PSD3: variants seen among roughly 807,000 people sequenced by gnomAD.
PSD3 encodes PH and SEC7 domain-containing protein 3.
A neutral mutation model predicts 105.5 loss-of-function variants in PSD3; 49 were observed. The ratio of observed to expected loss-of-function variants is 0.46; its 90% CI spans 0.37 to 0.59. The LOEUF (loss-of-function observed/expected upper bound fraction) is 0.59, where lower values mean the gene tolerates loss of function less well. PSD3 is among the 20% of genes least tolerant of loss of function. The pLI is 0.00. For missense variants in PSD3, 1,561 were observed against 1,263.8 expected (o/e 1.24, Z -3.57); for synonymous variants, 557 against 457.8 (o/e 1.22, Z -2.77).
chr8:18,545,697 T>G (rs1800414508), intron 15 of PSD3, among the ~76,000 whole-genome samples: 1 of 152,168 alleles, frequency 6.6e-6, no homozygotes, highest in Non-Finnish European at 1.5e-5. Flanking sequence ...ATAGGGCACG[T>G]GGTTAATCTT....
chr8:18,774,985 T>C (rs1177153896), intron 8 of PSD3: 3 of 455,958 alleles, frequency 6.6e-6, no homozygotes, highest in Non-Finnish European at 1.3e-5. Context: ...TTAATCAACC[T>C]TTCAAAACCC....
At chr8:18,760,013 C>G (rs62498260) in intron 9 of PSD3, among the ~76,000 whole-genome samples, 1,576 of 129,086 alleles carry the variant, frequency 0.012, 26 homozygotes, top group Middle Eastern at 0.02. Flanking sequence ...CAAACAAGAA[C>G]AAGGGTTTCC....
intron 9 of PSD3, among the ~76,000 whole-genome samples, chr8:18,759,009 T>C (rs752513690): frequency 1.3e-5 from 2 of 151,930 alleles, no homozygotes; most frequent in Non-Finnish European, 2.9e-5. Flanking sequence ...ACTCCATTCA[T>C]GGAGTGAAGC....
At chr8:18,672,129 G>A (rs976934376) in intron 9 of PSD3, among the ~76,000 whole-genome samples, 1 of 152,156 alleles carries the variant, frequency 6.6e-6, no homozygotes, top group East Asian at 1.9e-4. Context: ...GTGTTGGAAA[G>A]TAGCAAGCAT....
At chr8:18,710,310 G>C (rs768030051) in intron 9 of PSD3, among the ~76,000 whole-genome samples, 5 of 152,064 alleles carry the variant, frequency 3.3e-5, no homozygotes, top group Non-Finnish European at 7.4e-5. Context: ...AAATGAGAAG[G>C]AATGAACAAA....
At chr8:18,947,782 T>G (rs539093096) in intron 1 of PSD3, among the ~76,000 whole-genome samples, 2 of 152,358 alleles carry the variant, frequency 1.3e-5, no homozygotes, top group South Asian at 4.1e-4. Context: ...GGTTCTGAAT[T>G]CATAATACCC....
At chr8:18,600,614 A>G (rs770816569) in intron 11 of PSD3, among the ~76,000 whole-genome samples, 180 bp from the exon 12 acceptor site, 5 of 152,174 alleles carry the variant, frequency 3.3e-5, no homozygotes, top group East Asian at 1.9e-4. Flanking sequence ...AATGTTTTCC[A>G]TATACGATCT....
chr8:18,686,074 G>C (rs13251176), intron 9 of PSD3, among the ~76,000 whole-genome samples: 143,890 of 152,278 alleles, frequency 0.94, 68,049 homozygotes, highest in Middle Eastern at 0.97. Flanking sequence ...AAACCATATG[G>C]TAGGATGTAC....
At chr8:18,957,518 T>A (rs1321982370) in intron 1 of PSD3, among the ~76,000 whole-genome samples, 3 of 96,996 alleles carry the variant, frequency 3.1e-5, no homozygotes, top group Non-Finnish European at 4.1e-5. Flanking sequence ...ATCTCATCCA[T>A]CTCTGTTCCC....
chr8:18,660,815 C>A (rs1180185820), intron 9 of PSD3, among the ~76,000 whole-genome samples: 1 of 152,228 alleles, frequency 6.6e-6, no homozygotes, highest in Non-Finnish European at 1.5e-5. Flanking sequence ...AGAGCCAGAT[C>A]ACAATCACAT....
intron 9 of PSD3, among the ~76,000 whole-genome samples, chr8:18,712,345 T>C (rs1585698981): frequency 6.7e-6 from 1 of 148,890 alleles, no homozygotes; most frequent in African/African-American, 2.5e-5. Context: ...ATCCCAGAGC[T>C]GGTTTTTTGA....
At chr8:18,617,963 C>T (rs1235834213) in intron 11 of PSD3, among the ~76,000 whole-genome samples, 2 of 152,166 alleles carry the variant, frequency 1.3e-5, no homozygotes, top group Admixed American at 6.5e-5. Flanking sequence ...TAGAGAATCT[C>T]CCTCCCTTGC....
intron 9 of PSD3, among the ~76,000 whole-genome samples, chr8:18,665,649 G>A (rs916675428): frequency 1.3e-5 from 2 of 152,230 alleles, no homozygotes; most frequent in African/African-American, 4.8e-5. Context: ...TGGGTAAAAT[G>A]CTAACAAACA....
At chr8:18,671,729 T>C (rs1799794494) in intron 9 of PSD3, among the ~76,000 whole-genome samples, 1 of 152,094 alleles carries the variant, frequency 6.6e-6, no homozygotes, top group Non-Finnish European at 1.5e-5. Context: ...CCTCCTGGGT[T>C]CACGCCATTC....
intron 9 of PSD3, among the ~76,000 whole-genome samples, chr8:18,719,824 A>G (rs578093634): frequency 3.3e-4 from 50 of 152,210 alleles, no homozygotes; most frequent in Non-Finnish European, 5.9e-4. Flanking sequence ...AATATAGCAT[A>G]TATCTAGATA....
Position 18,590,943 on chromosome 8 carries a change from G to A in PSD3, c.2481+9421C>T, listed in dbSNP as rs555772203. On this transcript the variant is annotated intron_variant, in intron 12 of 15. Transcript: ENST00000327040. ...GTGAAAAGAATAAGACGCCAAAACT[G>A]TGTTATACTATGATTCCACATAGAT... Among the ~76,000 whole-genome samples the A allele has an allele frequency of 2.4e-4, 37 of 152,240 alleles. 2 individuals are homozygous for A. In the South Asian group the frequency reaches 7.3e-3, roughly 30 times the overall value.
At chr8:18,600,147 G>T (rs1215612495) in intron 12 of PSD3, among the ~76,000 whole-genome samples, 1 of 152,128 alleles carries the variant, frequency 6.6e-6, no homozygotes, top group African/African-American at 2.4e-5. Context: ...GATGCAGCAG[G>T]ATTGAGAAAG....
At chr8:18,586,261 G>T (rs953065997) in intron 12 of PSD3, among the ~76,000 whole-genome samples, 1 of 152,166 alleles carries the variant, frequency 6.6e-6, no homozygotes, top group East Asian at 1.9e-4. Context: ...TGGAGACTGT[G>T]AGGACTTGGC....
At chr8:18,793,209 T>A (rs904560015) in intron 8 of PSD3, among the ~76,000 whole-genome samples, 83 of 151,910 alleles carry the variant, frequency 5.5e-4, no homozygotes, top group African/African-American at 1.9e-3. Context: ...CATTAGGAGA[T>A]ATACCTAATG....
Sources: allele counts gnomAD v4.1 joint callset (sites outside exome capture counted in the v4.1 genomes callset), GRCh38; gene constraint gnomAD v4.1.1; transcripts MANE v1.5; gene names NCBI Gene and HGNC (gene_info 2026-07-23, HGNC 2026-07-21).